ANK1: variants seen among roughly 807,000 people sequenced by gnomAD.
The protein encoded by ANK1 is ankyrin-1.
In ANK1, 51 loss-of-function variants were observed where a neutral mutation model predicts 210.4. That is an observed-to-expected ratio of 0.24 (90% confidence interval 0.19 to 0.31). The LOEUF is 0.31. Among genes scored for constraint, ANK1 ranks in the 10% least tolerant of loss-of-function variants. The pLI is 1.00. For missense variants in ANK1, 2,051 were observed against 2,504.4 expected (o/e 0.82, Z 3.86); for synonymous variants, 967 against 1,025.9 (o/e 0.94, Z 1.10).
chr8:41,693,094 C>T lies in ANK1; in HGVS notation c.3629+11G>A, dbSNP rs564637517. ...CCCACACAATACTGGGCTGGGCTGG[C>T]CTCGTCTCACCTGGCAGAGACATTG... On this transcript the variant is annotated intron_variant, in intron 30 of 42. Coordinates refer to ENST00000289734, the MANE Select transcript of ANK1 (RefSeq NM_000037.4). 6.2e-7 allele frequency: 1 copy of T among 1,600,358 alleles called. No homozygotes were observed. The highest frequency in any genetic ancestry group is 2.2e-5 in the East Asian group (1 of 44,774).
At chr8:41,805,207 G>GTC (rs113165187) in intron 1 of ANK1, among the ~76,000 whole-genome samples, 15,313 of 137,060 alleles carry the variant, frequency 0.11, 2,555 homozygotes, top group African/African-American at 0.37. Flanking sequence ...CCCTCTTTTT[G>GTC]TCTCTCTCTC....
chr8:41,720,355 GAATT>G (rs1465117184), intron 9 of ANK1, among the ~76,000 whole-genome samples: 3 of 152,142 alleles, frequency 2.0e-5, no homozygotes, highest in African/African-American at 4.8e-5. Flanking sequence ...ATGAATGAAT[GAATT>G]ATGATAAAAT....
chr8:41,830,316 T>C (rs1806356559), intron 1 of ANK1, among the ~76,000 whole-genome samples: 2 of 149,646 alleles, frequency 1.3e-5, no homozygotes, highest in South Asian at 2.2e-4. Context: ...ATACATAGGC[T>C]ACTAGATAAG....
At chr8:41,680,042 CCT>C (rs1042476451) in intron 37 of ANK1, among the ~76,000 whole-genome samples, 67 of 152,178 alleles carry the variant, frequency 4.4e-4, no homozygotes, top group Admixed American at 1.1e-3. Flanking sequence ...ATATTCAGTC[CCT>C]GTTATCCTGT....
intron 1 of ANK1, among the ~76,000 whole-genome samples, chr8:41,851,787 G>A (rs1466136445): frequency 6.6e-6 from 1 of 152,198 alleles, no homozygotes; most frequent in African/African-American, 2.4e-5. Context: ...AGCCCAGGAG[G>A]TTGAGGCTGC....
At chr8:41,834,622 G>C (rs1300835664) in intron 1 of ANK1, among the ~76,000 whole-genome samples, 1 of 152,216 alleles carries the variant, frequency 6.6e-6, no homozygotes, top group African/African-American at 2.4e-5. Context: ...AGGTTCTCAG[G>C]GTCCGGAGCT....
At chr8:41,668,622 C>T (rs1236170274) in intron 38 of ANK1, 58 bp from the exon 39 acceptor site, 2 of 1,538,586 alleles carry the variant, frequency 1.3e-6, no homozygotes, top group Non-Finnish European at 1.8e-6. Flanking sequence ...GACACCTGGT[C>T]ACCCATCAGT....
chr8:41,840,816 G>A (rs897868815), intron 1 of ANK1, among the ~76,000 whole-genome samples: 3 of 152,170 alleles, frequency 2.0e-5, no homozygotes, highest in Non-Finnish European at 4.4e-5. Context: ...GTATATCAAC[G>A]CCAAGAAAAG....
chr8:41,757,026 G>A (rs752246105), intron 2 of ANK1, among the ~76,000 whole-genome samples: 3 of 152,210 alleles, frequency 2.0e-5, no homozygotes, highest in Non-Finnish European at 4.4e-5. Flanking sequence ...TGGCCACCAG[G>A]GGCTGGGGAG....
At chr8:41,891,230 C>G (rs1306104581) in intron 1 of ANK1, among the ~76,000 whole-genome samples, 2 of 152,020 alleles carry the variant, frequency 1.3e-5, no homozygotes, top group Non-Finnish European at 2.9e-5. Context: ...ACACACTCGC[C>G]ACTACGTGCT....
chr8:41,655,655 G>C lies in ANK1; in HGVS notation c.*135C>G, dbSNP rs1258512574. Reference sequence around the variant, plus strand: ...ACAGAGGTCATGCCGTCAGCCCAGAGGAATGTGTGCACCGCTGCGGTGGCC... The same window carrying C: ...ACAGAGGTCATGCCGTCAGCCCAGACGAATGTGTGCACCGCTGCGGTGGCC... On this transcript the variant is annotated 3_prime_UTR_variant, in exon 43 of 43. Transcript: ENST00000289734. The C allele has an allele frequency of 6.4e-7, 1 of 1,558,098 alleles. No individual in the cohort carries two copies. The highest frequency in any genetic ancestry group is 1.4e-5 in the African/African-American group (1 of 73,684).
At chr8:41,829,717 A>C (rs1806220730) in intron 1 of ANK1, 1 of 152,234 alleles carries the variant, frequency 6.6e-6, no homozygotes, top group South Asian at 2.1e-4. Flanking sequence ...CAGGCAGATC[A>C]CGAGGTCAAG....
Position 41,723,210 on chromosome 8 carries a change from G to C in ANK1, c.824C>G (p.Pro275Arg), listed in dbSNP as rs1324617623. 6.2e-7 allele frequency: 1 copy of C among 1,614,144 alleles called. No individual in the cohort carries two copies. Among genetic ancestry groups the C allele is most frequent in the Non-Finnish European group, 8.5e-7 (1 of 1,180,032 alleles). The change falls in exon 9 of 43, where the codon CCT (proline) becomes CGT (arginine). Residue 275 changes from proline (P) to arginine (R), a missense_variant. Around this residue, in one of 6 missense-constraint regions of ANK1, gnomAD observed 1,413 missense variants for 1,707.4 expected, o/e 0.83. Transcript: ENST00000289734. The part of the protein sequence containing the change: ...IETKTKDELT[P>R]LHCAARNGHV... ...CCCATTTCGAGCTGCACAGTGGAGA[G>C]GTGTCAATTCGTCCTTTAAAAGACA...
In ANK1 at chr8:41,832,233, C is replaced by T. The variant is rs150505238; in HGVS notation, c.126+64122G>A. ...GCCCAGATCCTGCAAGACATTATGGCTCCCCACCAGAAGGGGAGAGACGGG... is the reference window on the plus strand; with the variant it reads ...GCCCAGATCCTGCAAGACATTATGGTTCCCCACCAGAAGGGGAGAGACGGG... On this transcript the variant is annotated intron_variant, in intron 1 of 42. Transcript: ENST00000265709. 2.8e-3 allele frequency among the ~76,000 whole-genome samples: 427 copies of T among 152,278 alleles called. 2 individuals are homozygous for T. The highest frequency in any genetic ancestry group is 4.5e-3 in the Non-Finnish European group (304 of 68,022).
Position 41,876,194 on chromosome 8 carries a change from G to A in ANK1, c.126+20161C>T, listed in dbSNP as rs910100268. On this transcript the variant is annotated intron_variant, in intron 1 of 42. Transcript: ENST00000265709. ...GCGCTCCCCAGGCGGGCGCGGGGACGGCCCTGTCTGGCCTCACCAGCACGT... is the reference window on the plus strand; with the variant it reads ...GCGCTCCCCAGGCGGGCGCGGGGACAGCCCTGTCTGGCCTCACCAGCACGT... 6.6e-5 allele frequency among the ~76,000 whole-genome samples: 10 copies of A among 152,128 alleles called. 1 individual carries two copies. The highest frequency in any genetic ancestry group is 1.0e-4 in the Non-Finnish European group (7 of 68,000).
At chr8:41,685,336 T>C (rs917608076) in intron 36 of ANK1, among the ~76,000 whole-genome samples, 2 of 152,246 alleles carry the variant, frequency 1.3e-5, no homozygotes, top group African/African-American at 4.8e-5. Flanking sequence ...TTCTGTCCTT[T>C]TGAAATTCTT....
At chr8:41,662,583 G>A (rs1808782511) in intron 40 of ANK1, among the ~76,000 whole-genome samples, 2 of 152,140 alleles carry the variant, frequency 1.3e-5, no homozygotes, top group South Asian at 2.1e-4. Flanking sequence ...AAGGGCAGAG[G>A]GCATCTCTTT....
In ANK1 at chr8:41,692,718, T is replaced by G; in HGVS notation, c.3788A>C (p.Asp1263Ala). ...CTCCAGGGTCTTGTCCACTTTATCA[T>G]CTGTCATGCAGTAGCAGCGCAGGCG... ...EGRLRCYCMT[D>A]DKVDKTLEQH... Residue 1263 changes from aspartate to alanine, a missense_variant, in exon 31 of 43, where the codon GAT (aspartate) becomes GCT (alanine). Physicochemically the swap from Asp to Ala is moderately radical, Grantham distance 126. Around this residue, in one of 6 missense-constraint regions of ANK1, gnomAD observed 1,413 missense variants for 1,707.4 expected, o/e 0.83. Coordinates refer to ENST00000289734, the MANE Select transcript of ANK1 (RefSeq NM_000037.4). 6.2e-7 allele frequency: 1 copy of G among 1,613,926 alleles called. No homozygotes were observed. Among genetic ancestry groups the G allele is most frequent in the South Asian group, 1.1e-5 (1 of 91,062 alleles).
intron 39 of ANK1, chr8:41,664,897 C>T: frequency 6.2e-7 from 1 of 1,614,194 alleles, no homozygotes; most frequent in Non-Finnish European, 8.5e-7. Flanking sequence ...TTGTCCAGCT[C>T]CTGGTGGATG....
Sources: gnomAD v4.1 joint callset for allele counts (sites outside exome capture counted in the v4.1 genomes callset) on GRCh38, gnomAD v4.1.1 for gene constraint, gnomAD v4.1.1 regional missense constraint, MANE v1.5 for transcripts, NCBI Gene and HGNC (gene_info 2026-07-23, HGNC 2026-07-21) for gene names.